Variants in LSM3 observed in about 807,000 individuals in gnomAD.
LSM3 encodes U6 snRNA-associated Sm-like protein LSm3.
LSM3 carries 14 observed loss-of-function variants against 15.4 expected under a neutral mutation model. That is an observed-to-expected ratio of 0.91 (90% CI 0.60 to 1.42). The LOEUF (loss-of-function observed/expected upper bound fraction) is 1.42. Ranked by LOEUF, LSM3 falls within the 40% of genes most tolerant of loss-of-function variation. The pLI is 0.00. For synonymous variants in LSM3, 46 were observed against 45.1 expected (o/e 1.02, Z -0.08); for missense variants, 88 against 127.9 (o/e 0.69, Z 1.50).
Position 14,198,257 on chromosome 3 carries a change from T to C in LSM3, c.*141T>C. Reference sequence around the variant, plus strand: ...GGGATTCTTCCACTCCTGAAATGAGTTGATTTGCAGATAACTCACAACTTC... The same window carrying C: ...GGGATTCTTCCACTCCTGAAATGAGCTGATTTGCAGATAACTCACAACTTC... On this transcript the variant is annotated 3_prime_UTR_variant, in exon 4 of 4. Transcript: ENST00000306024. 1 of 646,302 alleles carries C rather than the reference T, an allele frequency of 1.5e-6. No homozygotes were observed. The highest frequency in any genetic ancestry group is 1.9e-5 in the South Asian group (1 of 51,548). 40.0% of individuals were successfully genotyped at this position (646,302 alleles called of 1,614,324 possible).
chr3:14,190,131 G>T (rs1697125568), intron 3 of LSM3, among the ~76,000 whole-genome samples: 1 of 152,118 alleles, frequency 6.6e-6, no homozygotes, highest in Admixed American at 6.5e-5. Flanking sequence ...TATTTCTGAG[G>T]CCTCCATTTT....
Position 14,184,752 on chromosome 3 carries a change from G to A in LSM3, c.228+720G>A, listed in dbSNP as rs367851446. On this transcript the variant is annotated intron_variant, in intron 3 of 3. Coordinates refer to ENST00000306024, the MANE Select transcript of LSM3 (RefSeq NM_014463.3). ...AGCCTGGGCGACAGAGCGAGACTCC[G>A]TCTCAAAAAAAAAAAAAACCTGGCC... Among the ~76,000 whole-genome samples the A allele has an allele frequency of 1.6e-3, 212 of 135,910 alleles. 6 individuals are homozygous for A. The South Asian group carries it at 0.046, about 30-fold the overall frequency. 89.2% of individuals were successfully genotyped at this position (135,910 alleles called of 152,430 possible).
chr3:14,190,631 C>A (rs1192488929), intron 3 of LSM3, among the ~76,000 whole-genome samples: 1 of 152,182 alleles, frequency 6.6e-6, no homozygotes, highest in Non-Finnish European at 1.5e-5. Flanking sequence ...GATTTTTGCA[C>A]ATTGATTTTG....
intron 3 of LSM3, among the ~76,000 whole-genome samples, chr3:14,189,627 T>C (rs1344577990): frequency 6.6e-6 from 1 of 152,220 alleles, no homozygotes; most frequent in Non-Finnish European, 1.5e-5. Context: ...TTCATATCCT[T>C]TGCCCATTTT....
intron 2 of LSM3, 36 bp downstream of exon 2, chr3:14,181,706 T>A: frequency 7.1e-7 from 1 of 1,403,690 alleles, no homozygotes; most frequent in Non-Finnish European, 1.0e-6. Flanking sequence ...GAAATCAGAT[T>A]CCTTCCTACC....
intron 3 of LSM3, among the ~76,000 whole-genome samples, chr3:14,185,537 C>T (rs1223260445): frequency 3.3e-5 from 5 of 152,218 alleles, no homozygotes; most frequent in South Asian, 2.1e-4. Flanking sequence ...CTTTTTTCTG[C>T]GTTAAATCTA....
chr3:14,180,187 G>A (rs1019089154), intron 1 of LSM3, among the ~76,000 whole-genome samples: 3 of 152,030 alleles, frequency 2.0e-5, no homozygotes. Context: ...CTTCCATGTG[G>A]GTGACCCCAA....
At chr3:14,181,088 T>C (rs909008139) in intron 1 of LSM3, among the ~76,000 whole-genome samples, 1 of 152,138 alleles carries the variant, frequency 6.6e-6, no homozygotes, top group East Asian at 1.9e-4. Context: ...GTTGGCAGCC[T>C]AAACTCAACC....
chr3:14,181,175 G>C (rs1001418324), intron 1 of LSM3, among the ~76,000 whole-genome samples: 1 of 152,166 alleles, frequency 6.6e-6, no homozygotes, highest in African/African-American at 2.4e-5. Flanking sequence ...GGCATTAAGT[G>C]AGTGTTTTTC....
chr3:14,190,159 A>C (rs1697126010), intron 3 of LSM3, among the ~76,000 whole-genome samples: 1 of 151,978 alleles, frequency 6.6e-6, no homozygotes, highest in Non-Finnish European at 1.5e-5. Flanking sequence ...TGGTCTATAT[A>C]TCTGTTTTGG....
At chr3:14,189,390 A>G (rs1697118715) in intron 3 of LSM3, among the ~76,000 whole-genome samples, 1 of 152,208 alleles carries the variant, frequency 6.6e-6, no homozygotes, top group African/African-American at 2.4e-5. Context: ...TGTCTTCCAC[A>G]ATGGTTGAAA....
intron 1 of LSM3, among the ~76,000 whole-genome samples, chr3:14,180,563 C>T (rs1697023649): frequency 6.6e-6 from 1 of 152,094 alleles, no homozygotes; most frequent in African/African-American, 2.4e-5. Context: ...TGCTGGGATT[C>T]AAGCGTGAGC....
intron 3 of LSM3, among the ~76,000 whole-genome samples, chr3:14,197,452 A>G (rs1413252736): frequency 6.6e-6 from 1 of 152,252 alleles, no homozygotes; most frequent in Non-Finnish European, 1.5e-5. Context: ...CTCATGCTTC[A>G]AGGTATCCAT....
chr3:14,180,820 C>T (rs1697027656), intron 1 of LSM3, among the ~76,000 whole-genome samples: 4 of 51,394 alleles, frequency 7.8e-5, no homozygotes, highest in Admixed American at 2.8e-4. Flanking sequence ...TGCTTGCTTG[C>T]CTTTTTTTTT....
intron 3 of LSM3, among the ~76,000 whole-genome samples, chr3:14,184,955 G>A (rs912431365): frequency 3.3e-5 from 5 of 152,110 alleles, no homozygotes; most frequent in Non-Finnish European, 7.4e-5. Flanking sequence ...TACTTGGGAG[G>A]CTGAGGCAGG....
chr3:14,185,814 T>G (rs1697083298), intron 3 of LSM3, among the ~76,000 whole-genome samples: 1 of 152,248 alleles, frequency 6.6e-6, no homozygotes, highest in South Asian at 2.1e-4. Context: ...GCACTGGTTC[T>G]TTAGAAAATA....
intron 3 of LSM3, among the ~76,000 whole-genome samples, chr3:14,188,458 T>C (rs1390740260): frequency 6.6e-6 from 1 of 152,198 alleles, no homozygotes; most frequent in Non-Finnish European, 1.5e-5. Flanking sequence ...AGTCTTAAAA[T>C]TACAAAATGC....
At chr3:14,183,417 C>A (rs113959396) in intron 2 of LSM3, among the ~76,000 whole-genome samples, 47 of 152,204 alleles carry the variant, frequency 3.1e-4, no homozygotes, top group Non-Finnish European at 5.7e-4. Context: ...TAGAAATGGG[C>A]AGGGTGTTGC....
chr3:14,197,573 T>C (rs1317525725), intron 3 of LSM3, among the ~76,000 whole-genome samples: 1 of 152,212 alleles, frequency 6.6e-6, no homozygotes, highest in Non-Finnish European at 1.5e-5. Flanking sequence ...ATCTGCACAA[T>C]AGCTTTCTTC....
Sources: allele counts gnomAD v4.1 joint callset (sites outside exome capture counted in the v4.1 genomes callset), GRCh38; gene constraint gnomAD v4.1.1; transcripts MANE v1.5; gene names NCBI Gene and HGNC (gene_info 2026-07-23, HGNC 2026-07-21).